The following ADARB2 variants were observed in gnomAD, a reference collection of about 807,000 sequenced individuals.
ADARB2 encodes the protein inactive double-stranded RNA-specific editase B2.
ADARB2 carries 25 observed loss-of-function variants against 62.2 expected under a neutral mutation model. The observed-to-expected ratio is 0.40, with a 90% CI of 0.29 to 0.56. ADARB2 has a LOEUF of 0.56. ADARB2 is among the 20% of genes least tolerant of loss of function. The probability of loss-of-function intolerance (pLI) is 0.43; values close to 1 mark genes in which losing one functional copy is unlikely to be tolerated. For synonymous variants in ADARB2, 572 were observed against 500.8 expected, an observed-to-expected ratio of 1.14 and a Z score of -1.90; for missense variants, 1,071 against 1,077.4, an observed-to-expected ratio of 0.99 and a Z score of 0.08.
At chr10:1,575,848 C>T (rs1833003715) in intron 1 of ADARB2, among the ~76,000 whole-genome samples, 1 of 152,186 alleles carries the variant, frequency 6.6e-6, no homozygotes, top group South Asian at 2.1e-4. Flanking sequence ...CACCTGCATC[C>T]CTCCTCCACT....
chr10:1,460,253 A>G (rs371642900), intron 1 of ADARB2, among the ~76,000 whole-genome samples: 50 of 17,086 alleles, frequency 2.9e-3, no homozygotes, highest in East Asian at 8.1e-3. Context: ...CCTGCGTAAC[A>G]AACCTGCCTG....
chr10:1,245,247 G>A (rs1359954370), intron 4 of ADARB2, among the ~76,000 whole-genome samples: 1 of 151,586 alleles, frequency 6.6e-6, no homozygotes, highest in African/African-American at 2.4e-5. Flanking sequence ...ATGAGGGAGA[G>A]GAAGAAGCCA....
intron 8 of ADARB2, among the ~76,000 whole-genome samples, chr10:1,188,699 T>G (rs1836797396): frequency 6.6e-6 from 1 of 150,866 alleles, no homozygotes; most frequent in Non-Finnish European, 1.5e-5. Context: ...GTTTCTGACA[T>G]CGCTGTGACT....
At chr10:1,385,307 G>C (rs1832516550) in intron 1 of ADARB2, among the ~76,000 whole-genome samples, 1 of 152,110 alleles carries the variant, frequency 6.6e-6, no homozygotes, top group South Asian at 2.1e-4. Flanking sequence ...AAAAAATATA[G>C]TCGAAGTAAA....
intron 4 of ADARB2, among the ~76,000 whole-genome samples, chr10:1,246,279 C>T (rs926825703): frequency 5.3e-5 from 8 of 150,874 alleles, no homozygotes; most frequent in Non-Finnish European, 7.4e-5. Context: ...TTCTCCCATT[C>T]TGTAGGTTGC....
At chr10:1,591,669 A>ACACACACG (rs1833256640) in intron 1 of ADARB2, among the ~76,000 whole-genome samples, 2 of 151,576 alleles carry the variant, frequency 1.3e-5, no homozygotes, top group South Asian at 4.2e-4. Context: ...GCACACACAC[A>ACACACACG]CACACACACG....
chr10:1,253,659 ACTGT>A (rs1176175273), intron 4 of ADARB2, among the ~76,000 whole-genome samples: 8 of 152,306 alleles, frequency 5.3e-5, no homozygotes, highest in African/African-American at 1.4e-4. Flanking sequence ...GAGAGCAGAA[ACTGT>A]CTGTGGTTGG....
chr10:1,367,467 A>G (rs11250467), intron 2 of ADARB2, among the ~76,000 whole-genome samples: 40,992 of 152,148 alleles, frequency 0.27, 6,257 homozygotes, highest in Middle Eastern at 0.43. Context: ...TTTACAGTTG[A>G]TGGCGGCAGA....
At chr10:1,603,911 T>G (rs1268894145) in intron 1 of ADARB2, among the ~76,000 whole-genome samples, 3 of 152,074 alleles carry the variant, frequency 2.0e-5, no homozygotes, top group Non-Finnish European at 4.4e-5. Context: ...TTCAAGCGAT[T>G]CTCCTGCCTC....
At chr10:1,481,427 G>T (rs1251877714) in intron 1 of ADARB2, among the ~76,000 whole-genome samples, 2 of 152,190 alleles carry the variant, frequency 1.3e-5, no homozygotes, top group Non-Finnish European at 2.9e-5. Flanking sequence ...AAAAGCATAG[G>T]TGATGAAAGA....
intron 4 of ADARB2, among the ~76,000 whole-genome samples, chr10:1,261,620 A>G (rs577701102): frequency 1.3e-5 from 2 of 148,686 alleles, no homozygotes; most frequent in African/African-American, 2.6e-5. Flanking sequence ...ACACCAGGCA[A>G]TCATTAAAAA....
chr10:1,320,531 A>G (rs1415293362), intron 3 of ADARB2, among the ~76,000 whole-genome samples: 2 of 152,214 alleles, frequency 1.3e-5, no homozygotes, highest in Non-Finnish European at 2.9e-5. Flanking sequence ...TCAGGCTAAG[A>G]AAAACCATTG....
chr10:1,679,855 T>G (rs957322176), intron 1 of ADARB2, among the ~76,000 whole-genome samples: 6 of 152,210 alleles, frequency 3.9e-5, no homozygotes, highest in African/African-American at 1.4e-4. Flanking sequence ...CCGTTCCTCC[T>G]TAGTCTGTGG....
intron 3 of ADARB2, among the ~76,000 whole-genome samples, chr10:1,286,151 C>T (rs971594599): frequency 6.6e-6 from 1 of 152,092 alleles, no homozygotes; most frequent in Non-Finnish European, 1.5e-5. Flanking sequence ...GGCAGAGGGA[C>T]GCAGGGCCAG....
intron 1 of ADARB2, among the ~76,000 whole-genome samples, chr10:1,661,822 A>G (rs977875931): frequency 6.6e-6 from 1 of 152,200 alleles, no homozygotes; most frequent in Non-Finnish European, 1.5e-5. Flanking sequence ...TCCCAAGTGC[A>G]AAGGGACGGG....
intron 1 of ADARB2, among the ~76,000 whole-genome samples, chr10:1,401,599 G>T (rs901437852): frequency 6.6e-6 from 1 of 152,162 alleles, no homozygotes; most frequent in South Asian, 2.1e-4. Context: ...TGAAGACCGC[G>T]GTGCATTTTA....
chr10:1,449,110 C>A (rs917135796), intron 1 of ADARB2, among the ~76,000 whole-genome samples: 6 of 152,194 alleles, frequency 3.9e-5, no homozygotes, highest in African/African-American at 1.4e-4. Context: ...CTCGGTCTTT[C>A]CATGAGTCTG....
chr10:1,588,074 T>C (rs1275684468), intron 1 of ADARB2, among the ~76,000 whole-genome samples: 2 of 152,194 alleles, frequency 1.3e-5, no homozygotes, highest in Non-Finnish European at 2.9e-5. Flanking sequence ...GGAAAATGAC[T>C]TGGCTCCAGT....
At chr10:1,714,616 T>G (rs1168374751) in intron 1 of ADARB2, among the ~76,000 whole-genome samples, 5 of 152,256 alleles carry the variant, frequency 3.3e-5, no homozygotes, top group African/African-American at 1.2e-4. Flanking sequence ...GTAACTTTAC[T>G]TGTCTTTCAT....
Sources: gnomAD v4.1 joint callset for allele counts (sites outside exome capture counted in the v4.1 genomes callset) on GRCh38, gnomAD v4.1.1 for gene constraint, MANE v1.5 for transcripts, NCBI Gene and HGNC (gene_info 2026-07-23, HGNC 2026-07-21) for gene names.